FUNDC2: variants seen among roughly 807,000 people sequenced by gnomAD.
FUNDC2 encodes FUN14 domain-containing protein 2.
Under a neutral mutation model 15.6 loss-of-function variants are expected in FUNDC2, and 4 were observed. The observed-to-expected ratio is 0.26, with a 90% CI of 0.13 to 0.59. The LOEUF (loss-of-function observed/expected upper bound fraction) is 0.59, where lower values mean the gene tolerates loss of function less well. Ranked by LOEUF, FUNDC2 falls within the 20% of genes least tolerant of loss-of-function variation. FUNDC2 has a pLI of 0.90. For synonymous variants in FUNDC2, 44 were observed against 56.9 expected, an observed-to-expected ratio of 0.77 and a Z score of 1.02; for missense variants, 98 against 149.7, an observed-to-expected ratio of 0.65 and a Z score of 1.80.
chrX:155,056,436 T>G lies in FUNDC2; in HGVS notation c.*1764T>G, dbSNP rs781883385. On this transcript the variant is annotated 3_prime_UTR_variant, in exon 5 of 5. Coordinates refer to ENST00000369498, the MANE Select transcript of FUNDC2 (RefSeq NM_023934.4). ...CAAAATTTCCTCAAGTGTTTTATAT[T>G]TAGTTTGTTTGAATCAAAATTCATG... 1 of 111,940 alleles carries G rather than the reference T, an allele frequency of 8.9e-6. No homozygotes were observed. The highest frequency in any genetic ancestry group is 1.9e-5 in the Non-Finnish European group (1 of 53,186). 9.2% of individuals were successfully genotyped at this position (111,940 alleles called of 1,213,427 possible).
chrX:155,046,349 G>T (rs1407120403), intron 2 of FUNDC2, among the ~76,000 whole-genome samples, 160 bp from the exon 3 acceptor site: 1 of 112,024 alleles, frequency 8.9e-6, no homozygotes, highest in Non-Finnish European at 1.9e-5. Flanking sequence ...GCCAAGATTT[G>T]ATTTCCTTAT....
At chrX:155,054,490 G>A in intron 4 of FUNDC2, 105 bp from the exon 5 acceptor site, 2 of 1,165,071 alleles carry the variant, frequency 1.7e-6, no homozygotes, top group East Asian at 6.1e-5. Context: ...CGTAACCGAT[G>A]AGGGGATTGA....
intron 2 of FUNDC2, among the ~76,000 whole-genome samples, chrX:155,037,192 T>G (rs1203041222): frequency 1.8e-5 from 2 of 111,787 alleles, no homozygotes; most frequent in African/African-American, 6.5e-5. Context: ...TTTCAAAATT[T>G]CAAGTTGCCA....
chrX:155,055,713 C>A lies in FUNDC2; in HGVS notation c.*1041C>A, dbSNP rs1261090229. 2 of 125,452 alleles carry A rather than the reference C, an allele frequency of 1.6e-5. No homozygotes were observed. Among genetic ancestry groups the A allele is most frequent in the East Asian group, 2.1e-4 (1 of 4,806 alleles). 10.3% of individuals were successfully genotyped at this position (125,452 alleles called of 1,213,427 possible). A position where few individuals can be genotyped will look rare whatever the true frequency, so the allele number is the denominator to read the frequency against. On this transcript the variant is annotated 3_prime_UTR_variant, in exon 5 of 5. Transcript: ENST00000369498. ...CATGTTACCATGTCTACAGTCCCTA[C>A]TAGAATATCAGTCAGCTTTCAGAGG...
At chrX:155,031,618 G>A (rs1399424327) in intron 1 of FUNDC2, among the ~76,000 whole-genome samples, 5 of 112,359 alleles carry the variant, frequency 4.5e-5, no homozygotes, top group African/African-American at 1.3e-4. Flanking sequence ...GTGAGCCACC[G>A]TGCCTGGCCT....
At chrX:155,031,488 C>T (rs782578782) in intron 1 of FUNDC2, among the ~76,000 whole-genome samples, 2 of 111,727 alleles carry the variant, frequency 1.8e-5, no homozygotes, top group South Asian at 7.5e-4. Flanking sequence ...TGCCACCACG[C>T]CCAGCTAATT....
At chrX:155,053,008 A>G (rs782402421) in intron 4 of FUNDC2, among the ~76,000 whole-genome samples, 2 of 111,193 alleles carry the variant, frequency 1.8e-5, no homozygotes, top group African/African-American at 6.6e-5. Flanking sequence ...AGCTGGGTCT[A>G]TAGGTGTGTA....
At position 155,057,844 on chromosome X, in the gene FUNDC2, C is replaced by G. The variant is rs1043548274; in HGVS notation, c.*3172C>G. Reference sequence around the variant, plus strand: ...CAAGGTTCTCCCCAGAGTCGGAGAGCAGAGACGGATCCAGGGGCACTTTCT... The same window carrying G: ...CAAGGTTCTCCCCAGAGTCGGAGAGGAGAGACGGATCCAGGGGCACTTTCT... On this transcript the variant is annotated 3_prime_UTR_variant, in exon 5 of 5. Coordinates refer to ENST00000369498, the MANE Select transcript of FUNDC2 (RefSeq NM_023934.4). 8.1e-5 allele frequency: 9 copies of G among 111,503 alleles called. No individual in the cohort carries two copies. The highest frequency in any genetic ancestry group is 4.7e-4 in the Admixed American group (5 of 10,539). The allele number at this position is 111,503 out of a possible 1,213,427, so 9.2% of individuals were successfully genotyped here. A position where few individuals can be genotyped will look rare whatever the true frequency, so the allele number is the denominator to read the frequency against.
rs1184992363 is a variant in FUNDC2 at position 155,054,394 on chromosome X, A to G, written c.493-201A>G. On this transcript the variant is annotated intron_variant, in intron 4 of 4. Coordinates refer to ENST00000369498, the MANE Select transcript of FUNDC2 (RefSeq NM_023934.4). ...TCTTATTCTCCCCACACCAGCCAGTAGTCATTTTCATATGTAAGTCTATTT... is the reference window on the plus strand; with the variant it reads ...TCTTATTCTCCCCACACCAGCCAGTGGTCATTTTCATATGTAAGTCTATTT... 9.4e-6 allele frequency: 7 copies of G among 745,661 alleles called. No individual in the cohort carries two copies. In the Admixed American group the frequency reaches 2.7e-4, roughly 28 times the overall value. The allele number at this position is 745,661 out of a possible 1,213,427, so 61.5% of individuals were successfully genotyped here.
chrX:155,031,157 T>C (rs1170075331), intron 1 of FUNDC2, among the ~76,000 whole-genome samples: 1 of 111,756 alleles, frequency 8.9e-6, no homozygotes, highest in Non-Finnish European at 1.9e-5. Context: ...TCATTTCTTG[T>C]CGGCCTGAAT....
At chrX:155,046,138 A>T (rs1345882709) in intron 2 of FUNDC2, among the ~76,000 whole-genome samples, 1 of 108,705 alleles carries the variant, frequency 9.2e-6, no homozygotes, top group East Asian at 2.9e-4. Flanking sequence ...ACAGTTCCTC[A>T]GGTCTGCTCC....
intron 2 of FUNDC2, among the ~76,000 whole-genome samples, chrX:155,035,586 T>G (rs2073828373): frequency 8.9e-6 from 1 of 112,261 alleles, no homozygotes; most frequent in African/African-American, 3.2e-5. Flanking sequence ...ACTGATCTGC[T>G]TTCTATTACT....
In FUNDC2 at chrX:155,056,547, T is replaced by C. The variant is rs1303367831; in HGVS notation, c.*1875T>C. The C allele has an allele frequency of 9.1e-6, 1 of 109,474 alleles. No homozygotes were observed. Among genetic ancestry groups the C allele is most frequent in the Non-Finnish European group, 1.9e-5 (1 of 52,582 alleles). The allele number at this position is 109,474 out of a possible 1,213,427, so 9.0% of individuals were successfully genotyped here. ...TATTTTTTTTTTTTTGCTTGCTATA[T>C]ATTTATATCTCTATATATATTGATA... On this transcript the variant is annotated 3_prime_UTR_variant, in exon 5 of 5. Coordinates refer to ENST00000369498, the MANE Select transcript of FUNDC2 (RefSeq NM_023934.4).
At position 155,055,763 on chromosome X, in the gene FUNDC2, T is replaced by G. The variant is rs2073892840; in HGVS notation, c.*1091T>G. The stretch of plus-strand genomic sequence containing the variant: ...GGCAAGACTTCTGTCTTCACCATTA[T>G]ACTCACAGGGCCTAGCACTTAATAG... On this transcript the variant is annotated 3_prime_UTR_variant, in exon 5 of 5. Transcript: ENST00000369498. The G allele has an allele frequency of 8.7e-6, 1 of 115,073 alleles. No individual in the cohort carries two copies. Among genetic ancestry groups the G allele is most frequent in the Non-Finnish European group, 1.8e-5 (1 of 55,454 alleles). 9.5% of individuals were successfully genotyped at this position (115,073 alleles called of 1,213,427 possible). A position where few individuals can be genotyped will look rare whatever the true frequency, so the allele number is the denominator to read the frequency against.
At chrX:155,039,640 C>T (rs2073841616) in intron 2 of FUNDC2, among the ~76,000 whole-genome samples, 1 of 112,073 alleles carries the variant, frequency 8.9e-6, no homozygotes, top group South Asian at 3.7e-4. Context: ...TGTCAAAAAT[C>T]AGTTGACTGT....
intron 1 of FUNDC2, among the ~76,000 whole-genome samples, chrX:155,029,528 C>T (rs1320713291): frequency 3.7e-5 from 4 of 109,098 alleles, no homozygotes; most frequent in Admixed American, 9.8e-5. Flanking sequence ...CTGAGGCAGG[C>T]GGATCACCTG....
rs894406343 is a variant in FUNDC2 at position 155,042,519 on chromosome X, C to G, written c.285-3990C>G. 3.6e-5 allele frequency among the ~76,000 whole-genome samples: 4 copies of G among 110,787 alleles called. No individual in the cohort carries two copies. In the South Asian group the frequency reaches 1.1e-3, roughly 32 times the overall value. ...TTTCTTTTGCTTAGATTTCATTGAGCTTTTTGGATCTGTGGGTTTATAGTT... is the reference window on the plus strand; with the variant it reads ...TTTCTTTTGCTTAGATTTCATTGAGGTTTTTGGATCTGTGGGTTTATAGTT... On this transcript the variant is annotated intron_variant, in intron 2 of 4. Coordinates refer to ENST00000369498, the MANE Select transcript of FUNDC2 (RefSeq NM_023934.4).
chrX:155,054,436 A>C (rs2073887638), intron 4 of FUNDC2, 159 bp from the exon 5 acceptor site: 1 of 746,875 alleles, frequency 1.3e-6, no homozygotes, highest in Non-Finnish European at 1.6e-6. Context: ...TATTAAATAG[A>C]CTATTAGTGT....
In FUNDC2 at chrX:155,054,710, C is replaced by A. The variant is rs782363256; in HGVS notation, c.*38C>A. On this transcript the variant is annotated 3_prime_UTR_variant, in exon 5 of 5. Transcript: ENST00000369498. ...CATGTTCATTGTTCCTGGTTTTTTCCAGCCAGCAGCCTCTACACTCCATCA... is the reference window on the plus strand; with the variant it reads ...CATGTTCATTGTTCCTGGTTTTTTCAAGCCAGCAGCCTCTACACTCCATCA... The A allele has an allele frequency of 6.6e-5, 72 of 1,085,834 alleles. No individual in the cohort carries two copies. Among genetic ancestry groups the A allele is most frequent in the Non-Finnish European group, 9.1e-5 (71 of 783,246 alleles). 89.5% of individuals were successfully genotyped at this position (1,085,834 alleles called of 1,213,427 possible).
Sources: allele counts gnomAD v4.1 joint callset (sites outside exome capture counted in the v4.1 genomes callset), GRCh38; gene constraint gnomAD v4.1.1; transcripts MANE v1.5; gene names NCBI Gene and HGNC (gene_info 2026-07-23, HGNC 2026-07-21).